The following LRP12 variants were observed in gnomAD, a reference collection of about 807,000 sequenced individuals.
LRP12 encodes LDL receptor related protein 12, also known as low-density lipoprotein receptor-related protein 12.
Under a neutral mutation model 66.0 loss-of-function variants are expected in LRP12, and 14 were observed. The observed-to-expected ratio is 0.21, with a 90% CI of 0.14 to 0.33. The LOEUF (loss-of-function observed/expected upper bound fraction) is 0.33. Among genes scored for constraint, LRP12 ranks in the 10% least tolerant of loss-of-function variants. The probability of loss-of-function intolerance (pLI) is 1.00; values close to 1 mark genes in which losing one functional copy is unlikely to be tolerated. For synonymous variants in LRP12, 357 were observed against 359.1 expected, an observed-to-expected ratio of 0.99 and a Z score of 0.07; for missense variants, 889 against 1,053.4, an observed-to-expected ratio of 0.84 and a Z score of 2.16.
At position 104,526,732 on chromosome 8, in the gene LRP12, GA is replaced by G. The variant is rs1437438976; in HGVS notation, c.136+5174del. Among the ~76,000 whole-genome samples the G allele has an allele frequency of 2.7e-5, 4 of 148,548 alleles. No individual in the cohort carries two copies. In the East Asian group the frequency reaches 7.8e-4, roughly 29 times the overall value. Reference sequence around the variant, plus strand: ...TAGACCTAAAACCAGAAAAACCCTAGAAGAAAACCTAGGCATTACCATTCAG... The same window carrying G: ...TAGACCTAAAACCAGAAAAACCCTAGAGAAAACCTAGGCATTACCATTCAG... On this transcript the variant is annotated intron_variant, in intron 2 of 6. Transcript: ENST00000276654.
chr8:104,547,421 T>TATACAATTCTGTTATATTTTGTATAC (rs1811594643), intron 1 of LRP12, among the ~76,000 whole-genome samples: 1 of 135,916 alleles, frequency 7.4e-6, no homozygotes, highest in Non-Finnish European at 1.5e-5. Flanking sequence ...ATTTTGTATA[T>TATACAATTCTGTTATATTTTGTATAC]AATATACAAT....
chr8:104,587,393 G>T (rs1812350186), intron 1 of LRP12, among the ~76,000 whole-genome samples: 1 of 152,070 alleles, frequency 6.6e-6, no homozygotes, highest in African/African-American at 2.4e-5. Flanking sequence ...GGCAAGCAGG[G>T]ATTACAGCCA....
Position 104,578,222 on chromosome 8 carries a change from G to A in LRP12, c.79+10597C>T, listed in dbSNP as rs1255303055. 2.0e-5 allele frequency among the ~76,000 whole-genome samples: 3 copies of A among 151,310 alleles called. No individual in the cohort carries two copies. In the East Asian group the frequency reaches 5.8e-4, roughly 29 times the overall value. ...AAACAACAAAGGGGATACTACCACAGACCCCACAGAAATACAATCATCAGA... is the reference window on the plus strand; with the variant it reads ...AAACAACAAAGGGGATACTACCACAAACCCCACAGAAATACAATCATCAGA... On this transcript the variant is annotated intron_variant, in intron 1 of 6. Transcript: ENST00000276654.
At chr8:104,542,184 C>G (rs1435256863) in intron 1 of LRP12, among the ~76,000 whole-genome samples, 1 of 152,148 alleles carries the variant, frequency 6.6e-6, no homozygotes, top group Non-Finnish European at 1.5e-5. Flanking sequence ...TTCATTTTAG[C>G]CATCCTATGG....
intron 4 of LRP12, among the ~76,000 whole-genome samples, chr8:104,498,689 G>A (rs1207333382): frequency 2.0e-5 from 3 of 152,080 alleles, no homozygotes; most frequent in East Asian, 1.9e-4. Context: ...TGCAATCAAC[G>A]TATGTGTGTA....
intron 1 of LRP12, among the ~76,000 whole-genome samples, chr8:104,557,790 CAA>C (rs1564144682): frequency 6.6e-6 from 1 of 151,886 alleles, no homozygotes. Flanking sequence ...CATATGAAAC[CAA>C]AAAAGAGCTC....
At chr8:104,546,947 T>C (rs1442285032) in intron 1 of LRP12, among the ~76,000 whole-genome samples, 1 of 144,674 alleles carries the variant, frequency 6.9e-6, no homozygotes, top group Non-Finnish European at 1.5e-5. Flanking sequence ...ATTTTGTATA[T>C]AATATATAAT....
At chr8:104,515,952 C>T (rs1588488844) in intron 2 of LRP12, among the ~76,000 whole-genome samples, 1 of 152,198 alleles carries the variant, frequency 6.6e-6, no homozygotes, top group South Asian at 2.1e-4. Context: ...TGGGGTCTCC[C>T]TATGTTGCCC....
rs1467197733 is a variant in LRP12, at chr8:104,563,802, G to A, written c.79+25017C>T. ...CAGACATCAAATCTGCCAGTGCCTC[G>A]ATGCTGGACTTCCCAGCCGCCAGAA... On this transcript the variant is annotated intron_variant, in intron 1 of 6. Transcript: ENST00000276654. Among the ~76,000 whole-genome samples, 7 of 152,200 alleles carry A rather than the reference G, an allele frequency of 4.6e-5. No homozygotes were observed. The South Asian group carries it at 8.3e-4, about 18-fold the overall frequency.
intron 1 of LRP12, among the ~76,000 whole-genome samples, chr8:104,535,227 A>G (rs1341961542): frequency 6.6e-6 from 1 of 152,026 alleles, no homozygotes; most frequent in Admixed American, 6.6e-5. Context: ...AACCAACCCC[A>G]TTTATTGCTT....
chr8:104,534,435 G>T (rs929795874), intron 1 of LRP12, among the ~76,000 whole-genome samples: 3 of 151,950 alleles, frequency 2.0e-5, no homozygotes, highest in African/African-American at 7.2e-5. Context: ...AACAGGCACA[G>T]ATTTCTTTAA....
chr8:104,584,418 A>G lies in LRP12; in HGVS notation c.79+4401T>C, dbSNP rs533871292. ...AAAAGGAACAACATCTCATATCAGA[A>G]ACACAAAAAGGCCCTCTTGTTCCCT... On this transcript the variant is annotated intron_variant, in intron 1 of 6. Transcript: ENST00000276654. Among the ~76,000 whole-genome samples the G allele has an allele frequency of 5.3e-5, 8 of 152,182 alleles. 1 individual carries two copies. In the East Asian group the frequency reaches 1.5e-3, roughly 29 times the overall value.
chr8:104,495,170 C>CAA lies in LRP12; in HGVS notation c.1618_1619dup (p.Leu540PhefsTer3). ...ACGAGGGAGGAGCTTCTCTTCTTAA[C>CAA]AATTCTGCTTCCACTCTTGACAACT... On this transcript the variant is annotated frameshift_variant, in exon 6 of 7. Coordinates refer to ENST00000276654, the MANE Select transcript of LRP12 (RefSeq NM_013437.5). LOFTEE classifies it high-confidence loss of function. The CAA allele has an allele frequency of 6.2e-7, 1 of 1,613,774 alleles. No homozygotes were observed. Among genetic ancestry groups the CAA allele is most frequent in the Non-Finnish European group, 8.5e-7 (1 of 1,179,804 alleles).
At chr8:104,509,960 C>G (rs1216894709) in intron 2 of LRP12, among the ~76,000 whole-genome samples, 1 of 152,114 alleles carries the variant, frequency 6.6e-6, no homozygotes, top group Non-Finnish European at 1.5e-5. Flanking sequence ...TAAGGAGGGA[C>G]TACTGTACAT....
intron 2 of LRP12, among the ~76,000 whole-genome samples, chr8:104,522,823 T>C (rs535875750): frequency 2.6e-5 from 4 of 151,932 alleles, no homozygotes; most frequent in Admixed American, 6.6e-5. Flanking sequence ...CTCCAGGCCA[T>C]GAATCAAGAA....
intron 1 of LRP12, among the ~76,000 whole-genome samples, chr8:104,548,993 A>G (rs1811685128): frequency 6.6e-6 from 1 of 151,724 alleles, no homozygotes; most frequent in Non-Finnish European, 1.5e-5. Context: ...AGGCTTTACA[A>G]TGAGTGTCAA....
chr8:104,551,251 C>A (rs1430295796), intron 1 of LRP12, among the ~76,000 whole-genome samples: 1 of 152,136 alleles, frequency 6.6e-6, no homozygotes, highest in African/African-American at 2.4e-5. Flanking sequence ...ATTCTGTCTA[C>A]CTTAGGATGA....
intron 1 of LRP12, among the ~76,000 whole-genome samples, chr8:104,577,514 A>G (rs1812183466): frequency 6.6e-6 from 1 of 152,186 alleles, no homozygotes; most frequent in Admixed American, 6.5e-5. Context: ...AGAAATCAAG[A>G]AGTTCTTGGA....
chr8:104,503,591 T>G (rs1293826765), intron 3 of LRP12, among the ~76,000 whole-genome samples: 1 of 152,146 alleles, frequency 6.6e-6, no homozygotes, highest in Non-Finnish European at 1.5e-5. Context: ...CTTGATGTTT[T>G]TTGGTTTAAT....
Sources: allele counts gnomAD v4.1 joint callset (sites outside exome capture counted in the v4.1 genomes callset), GRCh38; gene constraint gnomAD v4.1.1; transcripts MANE v1.5; gene names NCBI Gene and HGNC (gene_info 2026-07-23, HGNC 2026-07-21).